The following KLF15 variants were observed in gnomAD, a reference collection of about 807,000 sequenced individuals.
KLF15 encodes the protein Krueppel-like factor 15.
KLF15 carries 4 observed loss-of-function variants against 24.6 expected under a neutral mutation model. The observed-to-expected ratio is 0.16, with a 90% confidence interval of 0.08 to 0.37. The LOEUF (loss-of-function observed/expected upper bound fraction) is 0.37, where lower values mean the gene tolerates loss of function less well. Among genes scored for constraint, KLF15 ranks in the 10% least tolerant of loss-of-function variants. The probability of loss-of-function intolerance (pLI) is 1.00; values close to 1 mark genes in which losing one functional copy is unlikely to be tolerated. For missense variants in KLF15, 496 were observed against 560.6 expected, an observed-to-expected ratio of 0.88 and a Z score of 1.16; for synonymous variants, 246 against 236.3, an observed-to-expected ratio of 1.04 and a Z score of -0.37.
chr3:126,323,527 A>AT, the KLF15 span, among the ~76,000 whole-genome samples: 2 of 135,068 alleles, frequency 1.5e-5, no homozygotes, highest in Non-Finnish European at 3.1e-5. Context: ...TATATATATA[A>AT]ATATGTATGT....
chr3:126,344,346 C>T (rs933678752), intron 2 of KLF15, among the ~76,000 whole-genome samples: 1 of 151,918 alleles, frequency 6.6e-6, no homozygotes, highest in South Asian at 2.1e-4. Context: ...AGGCGTGAGC[C>T]ACTGTGCCAA....
chr3:126,326,530 A>G, the KLF15 span, among the ~76,000 whole-genome samples: 1 of 152,252 alleles, frequency 6.6e-6, no homozygotes, highest in Non-Finnish European at 1.5e-5. Context: ...ATATGATGAT[A>G]CAGGTTGTAG....
At chr3:126,351,283 T>A (rs6764427) in intron 2 of KLF15, among the ~76,000 whole-genome samples, 1 of 152,150 alleles carries the variant, frequency 6.6e-6, no homozygotes, top group Non-Finnish European at 1.5e-5. Context: ...GCCCAGCCCA[T>A]GTGTCCAGAG....
downstream of KLF15, among the ~76,000 whole-genome samples, chr3:126,337,923 G>A (rs1042514972): frequency 1.3e-5 from 2 of 152,298 alleles, no homozygotes; most frequent in South Asian, 2.1e-4. Context: ...GGTGCAAAAA[G>A]CAAGTCCCTG....
chr3:126,330,132 T>G, the KLF15 span, among the ~76,000 whole-genome samples: 11 of 152,322 alleles, frequency 7.2e-5, no homozygotes, highest in Admixed American at 7.2e-4. Context: ...CCAGCTGGCC[T>G]GCTGGCCCAA....
the KLF15 span, among the ~76,000 whole-genome samples, chr3:126,309,581 T>C: frequency 9.8e-5 from 15 of 152,350 alleles, no homozygotes; most frequent in Middle Eastern, 3.4e-3. Flanking sequence ...TGTGTTTCTG[T>C]GCCTTGTTAG....
At chr3:126,311,391 C>T in the KLF15 span, among the ~76,000 whole-genome samples, 1 of 152,194 alleles carries the variant, frequency 6.6e-6, no homozygotes, top group Non-Finnish European at 1.5e-5. Context: ...AAGTTGAATC[C>T]TGGAGGGGGC....
chr3:126,336,149 G>T, the KLF15 span, among the ~76,000 whole-genome samples: 1 of 101,632 alleles, frequency 9.8e-6, no homozygotes, highest in African/African-American at 4.0e-5. Context: ...AAAGCTGGAG[G>T]CATCACACTA....
rs1408876091 is a variant in KLF15, at chr3:126,343,834, G to C, written c.1144C>G (p.Gln382Glu). 1 of 1,611,352 alleles carries C rather than the reference G, an allele frequency of 6.2e-7. No homozygotes were observed. The highest frequency in any genetic ancestry group is 1.3e-5 in the African/African-American group (1 of 74,978). ...AACTTCTTCTCGCACACAGGACACT[G>C]GTACGGCTTCACACCTGAGTGCGAG... ...RRSHSGVKPY[Q>E]CPVCEKKFAR... is the part of the protein sequence containing the mutation. The change falls in exon 3 of 3, where the codon CAG (glutamine) becomes GAG (glutamate). Residue 382 changes from glutamine (Q) to glutamate (E), a missense_variant. Around this residue, in one of 3 missense-constraint regions of KLF15, gnomAD observed 59 missense variants for 106.1 expected, o/e 0.56. Transcript: ENST00000296233.
At chr3:126,346,887 A>T (rs1292510963) in intron 2 of KLF15, among the ~76,000 whole-genome samples, 3 of 152,218 alleles carry the variant, frequency 2.0e-5, no homozygotes, top group Admixed American at 6.5e-5. Context: ...AAGCTCCCTG[A>T]GCCTCAGTTT....
At chr3:126,318,457 A>C in the KLF15 span, among the ~76,000 whole-genome samples, 2 of 152,150 alleles carry the variant, frequency 1.3e-5, no homozygotes, top group South Asian at 4.1e-4. Context: ...TATTTGTGAT[A>C]CAAAGTTAGC....
the KLF15 span, among the ~76,000 whole-genome samples, chr3:126,299,205 A>AGTATGTATGTAT: frequency 0.047 from 7,082 of 150,458 alleles, 182 homozygotes; most frequent in East Asian, 0.098. Flanking sequence ...TATATTCCTA[A>AGTATGTATGTAT]GTATGTATGT....
the KLF15 span, among the ~76,000 whole-genome samples, chr3:126,329,215 G>C: frequency 6.6e-6 from 1 of 152,178 alleles, no homozygotes; most frequent in Admixed American, 6.5e-5. Context: ...AAGTAACCTT[G>C]TATTGATAAC....
chr3:126,351,754 T>G, intron 2 of KLF15, 87 bp downstream of exon 2: 1 of 952,128 alleles, frequency 1.1e-6, no homozygotes, highest in Non-Finnish European at 1.5e-6. Flanking sequence ...CTTCTGTTAA[T>G]GGTGGAAAAT....
chr3:126,340,911 G>A (rs995847064), downstream of KLF15, among the ~76,000 whole-genome samples: 1 of 152,164 alleles, frequency 6.6e-6, no homozygotes, highest in Admixed American at 6.5e-5. Context: ...AGGAACCTGG[G>A]GGTGCCACAC....
the KLF15 span, among the ~76,000 whole-genome samples, chr3:126,306,842 T>G: frequency 2.6e-5 from 4 of 152,202 alleles, no homozygotes; most frequent in African/African-American, 9.6e-5. Context: ...TTGCTAGGCC[T>G]TGGGCCTATG....
rs900965990 is a variant in KLF15 at position 126,343,492 on chromosome 3, C to T, written c.*235G>A. ...CACGAAGGCACGAAGGCACGAAGGC[C>T]TGCCTCCAGCCCCGTGCGCCTGGGG... On this transcript the variant is annotated 3_prime_UTR_variant, in exon 3 of 3. Transcript: ENST00000296233. The T allele has an allele frequency of 4.2e-4, 192 of 454,616 alleles. 1 individual carries two copies. The highest frequency in any genetic ancestry group is 1.0e-4 in the Non-Finnish European group (27 of 264,916). 28.2% of individuals were successfully genotyped at this position (454,616 alleles called of 1,614,324 possible).
the KLF15 span, among the ~76,000 whole-genome samples, chr3:126,313,388 G>A: frequency 6.6e-6 from 1 of 152,172 alleles, no homozygotes; most frequent in Non-Finnish European, 1.5e-5. Flanking sequence ...ACTCATACAA[G>A]GGCCCATCCT....
chr3:126,296,248 G>A, the KLF15 span, among the ~76,000 whole-genome samples: 5 of 152,000 alleles, frequency 3.3e-5, no homozygotes, highest in African/African-American at 1.2e-4. Context: ...TCGCTCTATC[G>A]CCCAGGTGGA....
Sources: allele counts gnomAD v4.1 joint callset (sites outside exome capture counted in the v4.1 genomes callset), GRCh38; gene constraint gnomAD v4.1.1; regional missense constraint gnomAD v4.1.1; transcripts MANE v1.5; gene names NCBI Gene and HGNC (gene_info 2026-07-23, HGNC 2026-07-21).